IMMP2L: variants seen among roughly 807,000 people sequenced by gnomAD.
IMMP2L encodes the protein inner mitochondrial membrane peptidase subunit 2, also known as mitochondrial inner membrane protease subunit 2.
Under a neutral mutation model 19.3 loss-of-function variants are expected in IMMP2L, and 18 were observed. The ratio of observed to expected loss-of-function variants is 0.93; its 90% confidence interval spans 0.64 to 1.38. The LOEUF (loss-of-function observed/expected upper bound fraction) is 1.38. IMMP2L is among the 40% of genes most tolerant of loss of function. IMMP2L has a pLI of 0.00. For synonymous variants in IMMP2L, 76 were observed against 73.0 expected, an observed-to-expected ratio of 1.04 and a Z score of -0.21; for missense variants, 233 against 218.2, an observed-to-expected ratio of 1.07 and a Z score of -0.43.
intron 3 of IMMP2L, among the ~76,000 whole-genome samples, chr7:111,207,532 TG>T (rs1211714526): frequency 8.0e-4 from 115 of 144,340 alleles, no homozygotes; most frequent in African/African-American, 2.7e-3. Flanking sequence ...GTTTTATTTT[TG>T]GTTTTTTTTT....
chr7:111,025,268 A>C (rs1826692662), intron 3 of IMMP2L, among the ~76,000 whole-genome samples: 1 of 152,216 alleles, frequency 6.6e-6, no homozygotes, highest in Admixed American at 6.5e-5. Flanking sequence ...TTCATTATCC[A>C]TAAGATGTGG....
intron 3 of IMMP2L, among the ~76,000 whole-genome samples, chr7:110,968,860 T>C (rs189021088): frequency 6.6e-6 from 1 of 152,202 alleles, no homozygotes; most frequent in Admixed American, 6.5e-5. Flanking sequence ...ACATCGTAGG[T>C]ACTCAGTAAA....
intron 5 of IMMP2L, among the ~76,000 whole-genome samples, chr7:110,698,388 A>T (rs1341396908): frequency 6.6e-6 from 1 of 152,214 alleles, no homozygotes; most frequent in Non-Finnish European, 1.5e-5. Context: ...ATCCCTTAAT[A>T]ATAATACTTA....
chr7:111,436,378 T>A (rs150006734), intron 3 of IMMP2L, among the ~76,000 whole-genome samples: 1 of 151,668 alleles, frequency 6.6e-6, no homozygotes, highest in Non-Finnish European at 1.5e-5. Flanking sequence ...TAAAAAGGTA[T>A]ACTTTTAACC....
At chr7:111,515,045 G>A (rs1845766891) in intron 2 of IMMP2L, among the ~76,000 whole-genome samples, 1 of 152,004 alleles carries the variant, frequency 6.6e-6, no homozygotes, top group African/African-American at 2.4e-5. Flanking sequence ...AGCCTTTAAA[G>A]TCTAGTTCGG....
intron 4 of IMMP2L, among the ~76,000 whole-genome samples, chr7:110,935,073 T>C (rs1465563481): frequency 6.6e-6 from 1 of 152,218 alleles, no homozygotes; most frequent in African/African-American, 2.4e-5. Context: ...CATTAGTTGA[T>C]GCAGTTCCTT....
intron 1 of IMMP2L, among the ~76,000 whole-genome samples, chr7:111,529,823 C>G (rs1847226785): frequency 6.6e-6 from 1 of 152,114 alleles, no homozygotes; most frequent in African/African-American, 2.4e-5. Flanking sequence ...TGTATTCAAT[C>G]TTAAGTCAGC....
chr7:110,862,805 A>G lies in IMMP2L; in HGVS notation c.408+23788T>C, dbSNP rs149835305. Reference sequence around the variant, plus strand: ...TTTCAAGGACATTTGTACAGCGAACAGCCTTGGAAGATAAAGATATCTTTC... The same window carrying G: ...TTTCAAGGACATTTGTACAGCGAACGGCCTTGGAAGATAAAGATATCTTTC... On this transcript the variant is annotated intron_variant, in intron 5 of 5. Transcript: ENST00000405709. Among the ~76,000 whole-genome samples the G allele has an allele frequency of 6.5e-4, 99 of 152,174 alleles. No individual in the cohort carries two copies. The East Asian group carries it at 0.017, about 27-fold the overall frequency.
intron 3 of IMMP2L, among the ~76,000 whole-genome samples, chr7:111,081,100 G>C (rs1795850761): frequency 6.6e-6 from 1 of 152,116 alleles, no homozygotes; most frequent in Non-Finnish European, 1.5e-5. Context: ...CTTCTTTCAT[G>C]CTTTCAAATT....
intron 3 of IMMP2L, among the ~76,000 whole-genome samples, chr7:111,264,569 T>A (rs964234519): frequency 1.3e-5 from 2 of 151,938 alleles, no homozygotes; most frequent in Admixed American, 6.6e-5. Context: ...AATTTAAGGC[T>A]GGATAGCAGC....
intron 5 of IMMP2L, among the ~76,000 whole-genome samples, chr7:110,693,693 T>C (rs917584911): frequency 6.6e-6 from 1 of 152,108 alleles, no homozygotes. Flanking sequence ...AAAAAATCCA[T>C]AGACACCAGA....
At chr7:110,816,565 G>T (rs1278206729) in intron 5 of IMMP2L, among the ~76,000 whole-genome samples, 1 of 151,638 alleles carries the variant, frequency 6.6e-6, no homozygotes, top group Non-Finnish European at 1.5e-5. Flanking sequence ...TGACAGCGGG[G>T]TGTTAAAGTC....
intron 5 of IMMP2L, among the ~76,000 whole-genome samples, chr7:110,791,994 G>A (rs1033449328): frequency 6.6e-6 from 1 of 151,878 alleles, no homozygotes; most frequent in African/African-American, 2.4e-5. Context: ...ACATGGAGTT[G>A]AGAATAAATA....
intron 3 of IMMP2L, among the ~76,000 whole-genome samples, chr7:111,180,747 C>A (rs1165467936): frequency 6.6e-6 from 1 of 151,966 alleles, no homozygotes; most frequent in Non-Finnish European, 1.5e-5. Context: ...ACTTTTCATG[C>A]ATTCACACGT....
intron 5 of IMMP2L, among the ~76,000 whole-genome samples, chr7:110,827,089 T>G (rs1196346557): frequency 6.6e-6 from 1 of 152,086 alleles, no homozygotes; most frequent in African/African-American, 2.4e-5. Context: ...GACAAATTTC[T>G]TAGCATTCTA....
intron 3 of IMMP2L, among the ~76,000 whole-genome samples, chr7:111,119,335 C>A (rs1800295588): frequency 6.6e-6 from 1 of 152,156 alleles, no homozygotes; most frequent in Non-Finnish European, 1.5e-5. Flanking sequence ...TTGTAACCAT[C>A]TGTTTACTTC....
chr7:111,432,908 C>G (rs1343664105), intron 3 of IMMP2L, among the ~76,000 whole-genome samples: 1 of 150,888 alleles, frequency 6.6e-6, no homozygotes, highest in Non-Finnish European at 1.5e-5. Context: ...CCAGTAACGA[C>G]CTAGCCAAGA....
intron 3 of IMMP2L, among the ~76,000 whole-genome samples, chr7:111,299,932 AAG>A (rs1325210791): frequency 3.0e-5 from 1 of 32,892 alleles, no homozygotes; most frequent in African/African-American, 1.8e-4. Flanking sequence ...AACTACAAGT[AAG>A]GAAAGTAATT....
intron 3 of IMMP2L, among the ~76,000 whole-genome samples, chr7:111,121,354 A>G (rs1800588818): frequency 6.6e-6 from 1 of 152,162 alleles, no homozygotes. Context: ...GAAGCTCTTT[A>G]GTTTAATTAG....
Sources: gnomAD v4.1 joint callset for allele counts (sites outside exome capture counted in the v4.1 genomes callset) on GRCh38, gnomAD v4.1.1 for gene constraint, MANE v1.5 for transcripts, NCBI Gene and HGNC (gene_info 2026-07-23, HGNC 2026-07-21) for gene names.